PTPRN2: variants seen among roughly 807,000 people sequenced by gnomAD.
PTPRN2 encodes receptor-type tyrosine-protein phosphatase N2.
A neutral mutation model predicts 118.8 loss-of-function variants in PTPRN2; 74 were observed. The ratio of observed to expected loss-of-function variants is 0.62; its 90% CI spans 0.52 to 0.76. The LOEUF (loss-of-function observed/expected upper bound fraction) is 0.76, where lower values mean the gene tolerates loss of function less well. Among genes scored for constraint, PTPRN2 ranks in the 30% least tolerant of loss-of-function variants. PTPRN2 has a pLI of 0.00. For missense variants in PTPRN2, 1,481 were observed against 1,394.4 expected, an observed-to-expected ratio of 1.06 and a Z score of -0.99; for synonymous variants, 641 against 608.0, an observed-to-expected ratio of 1.05 and a Z score of -0.80.
At position 157,583,085 on chromosome 7, in the gene PTPRN2, A is replaced by G. The variant is rs1800483426; in HGVS notation, c.2497-4945T>C. Among the ~76,000 whole-genome samples, 3 of 152,148 alleles carry G rather than the reference A, an allele frequency of 2.0e-5. No individual in the cohort carries two copies. The highest frequency in any genetic ancestry group is 2.0e-4 in the Admixed American group (3 of 15,290). On this transcript the variant is annotated intron_variant, in intron 17 of 22. Coordinates refer to ENST00000389418, the MANE Select transcript of PTPRN2 (RefSeq NM_002847.5). This position sits in a 1 kb window ranked among gnomAD's most constrained non-coding sequence, Gnocchi z 5.5. ...TTTGGAACAACCCACATGTCTGTCA[A>G]TGGATAATGGCTAAAGAAAATGTGG...
In PTPRN2 at chr7:157,986,483, G is replaced by A. The variant is rs1286131936; in HGVS notation, c.1724-87746C>T. The stretch of plus-strand genomic sequence containing the variant: ...CTGGAGGTCAGAACTGGCTGCATCC[G>A]TCTCCATCTCCCCAAGCACAGGCCA... On this transcript the variant is annotated intron_variant, in intron 11 of 22. Transcript: ENST00000389418. This position sits in a 1 kb window ranked among gnomAD's most constrained non-coding sequence, Gnocchi z 4.5. Among the ~76,000 whole-genome samples the A allele has an allele frequency of 3.3e-5, 5 of 152,064 alleles. No homozygotes were observed. The South Asian group carries it at 1.0e-3, about 32-fold the overall frequency.
chr7:158,273,299 C>T (rs1798637822), intron 3 of PTPRN2, among the ~76,000 whole-genome samples: 1 of 152,086 alleles, frequency 6.6e-6, no homozygotes, highest in Non-Finnish European at 1.5e-5. Flanking sequence ...CACCGCAAGC[C>T]CACACTGTGA....
At chr7:158,343,498 C>T (rs921786301) in intron 2 of PTPRN2, among the ~76,000 whole-genome samples, 4 of 152,306 alleles carry the variant, frequency 2.6e-5, no homozygotes, top group Non-Finnish European at 4.4e-5. Context: ...GGAAAGCACA[C>T]GGGAAAAGTT....
intron 12 of PTPRN2, among the ~76,000 whole-genome samples, chr7:157,757,461 C>T (rs1189220003): frequency 6.6e-6 from 1 of 152,134 alleles, no homozygotes; most frequent in East Asian, 1.9e-4. Flanking sequence ...ACAAGGAGGA[C>T]CCCGGCAGGC....
intron 3 of PTPRN2, among the ~76,000 whole-genome samples, chr7:158,292,510 G>C (rs1266672439): frequency 6.6e-6 from 1 of 152,230 alleles, no homozygotes; most frequent in Non-Finnish European, 1.5e-5. Flanking sequence ...GAGTAGTACA[G>C]TTGCATTGCT....
chr7:158,349,888 G>A (rs1183882346), intron 2 of PTPRN2, among the ~76,000 whole-genome samples: 1 of 151,986 alleles, frequency 6.6e-6, no homozygotes, highest in African/African-American at 2.4e-5. Flanking sequence ...TGCTCCCTGG[G>A]TGGTCCCTGA....
Position 157,774,803 on chromosome 7 carries a change from G to A in PTPRN2, c.1789-91866C>T, listed in dbSNP as rs546741212. Among the ~76,000 whole-genome samples, 4 of 152,320 alleles carry A rather than the reference G, an allele frequency of 2.6e-5. No individual in the cohort carries two copies. The South Asian group carries it at 6.2e-4, about 24-fold the overall frequency. ...GCCCAAGATGAGGGGACCAGTCCGA[G>A]TGGGGAGGCTTCCAAAGATGAGAGG... On this transcript the variant is annotated intron_variant, in intron 12 of 22. Coordinates refer to ENST00000389418, the MANE Select transcript of PTPRN2 (RefSeq NM_002847.5).
chr7:157,976,591 C>T (rs1003532225), intron 11 of PTPRN2, among the ~76,000 whole-genome samples: 7 of 151,682 alleles, frequency 4.6e-5, no homozygotes, highest in African/African-American at 7.3e-5. Flanking sequence ...TGTGCCTGTG[C>T]GGCTGCCCTA....
Position 158,430,331 on chromosome 7 carries a change from C to A in PTPRN2, c.163+59404G>T, listed in dbSNP as rs557622281. On this transcript the variant is annotated intron_variant, in intron 2 of 22. Transcript: ENST00000389418. ...CATGGGATGAGGTGAGGGAGAGCAGCCTGCTGGCGCTCACAGGCTGAGGGG... is the reference window on the plus strand; with the variant it reads ...CATGGGATGAGGTGAGGGAGAGCAGACTGCTGGCGCTCACAGGCTGAGGGG... Among the ~76,000 whole-genome samples the A allele has an allele frequency of 2.6e-5, 4 of 152,352 alleles. No homozygotes were observed. The South Asian group carries it at 6.2e-4, about 24-fold the overall frequency.
intron 14 of PTPRN2, among the ~76,000 whole-genome samples, chr7:157,643,488 G>A (rs1804831908): frequency 1.3e-5 from 2 of 152,230 alleles, no homozygotes; most frequent in African/African-American, 4.8e-5. Flanking sequence ...GCGCTGCAAG[G>A]GGCACTGTGG....
chr7:158,108,980 C>A (rs1341276198), intron 10 of PTPRN2, among the ~76,000 whole-genome samples: 2 of 151,508 alleles, frequency 1.3e-5, no homozygotes, highest in African/African-American at 2.4e-5. Context: ...ATGACATCAG[C>A]CCTGTGTGAA....
intron 12 of PTPRN2, among the ~76,000 whole-genome samples, chr7:157,718,338 T>C (rs1371523568): frequency 6.6e-6 from 1 of 152,216 alleles, no homozygotes; most frequent in African/African-American, 2.4e-5. Context: ...AACAAGGCAC[T>C]CATGAATGAG....
chr7:157,798,476 T>G (rs1805013148), intron 12 of PTPRN2, among the ~76,000 whole-genome samples: 2 of 151,898 alleles, frequency 1.3e-5, no homozygotes, highest in Non-Finnish European at 2.9e-5. Flanking sequence ...TGTACAGTCG[T>G]TAGCAGTGGC....
intron 2 of PTPRN2, among the ~76,000 whole-genome samples, chr7:158,331,769 C>T (rs1339537510): frequency 6.6e-6 from 1 of 151,074 alleles, no homozygotes; most frequent in Non-Finnish European, 1.5e-5. Flanking sequence ...ACACTCTCAC[C>T]ATAAGAGCTG....
At chr7:158,176,017 G>A (rs897462735) in intron 5 of PTPRN2, among the ~76,000 whole-genome samples, 37 of 151,468 alleles carry the variant, frequency 2.4e-4, no homozygotes, top group Admixed American at 2.0e-4. Context: ...CTCTCAGCCC[G>A]CCCTGCTCCG....
intron 6 of PTPRN2, among the ~76,000 whole-genome samples, chr7:158,144,764 A>T (rs927471418): frequency 2.0e-5 from 3 of 152,222 alleles, no homozygotes; most frequent in Non-Finnish European, 4.4e-5. Flanking sequence ...CTGTGTTTCT[A>T]ACAGCAAACA....
At chr7:158,037,172 A>G (rs34687759) in intron 11 of PTPRN2, among the ~76,000 whole-genome samples, 76,865 of 152,106 alleles carry the variant, frequency 0.51, 20,077 homozygotes, top group Non-Finnish European at 0.56. Flanking sequence ...AAATTTTAAT[A>G]AAATATTTTA....
rs1801201366 is a variant in PTPRN2 at position 157,594,848 on chromosome 7, A to G, written c.2496+390T>C. Among the ~76,000 whole-genome samples, 3 of 152,172 alleles carry G rather than the reference A, an allele frequency of 2.0e-5. No homozygotes were observed. In the South Asian group the frequency reaches 6.2e-4, roughly 32 times the overall value. On this transcript the variant is annotated intron_variant, in intron 17 of 22. Transcript: ENST00000389418. ...ACGGCCTGGCCTTCAGATGCCCTAC[A>G]GGACTCCAGGAGAGGATGACAGAGG...
chr7:157,707,158 A>G (rs1798373695), intron 12 of PTPRN2, among the ~76,000 whole-genome samples: 1 of 151,146 alleles, frequency 6.6e-6, no homozygotes, highest in Non-Finnish European at 1.5e-5. Context: ...TTTTATACAC[A>G]GCACACATAC....
Sources: gnomAD v4.1 joint callset for allele counts (sites outside exome capture counted in the v4.1 genomes callset) on GRCh38, gnomAD v4.1.1 for gene constraint, Gnocchi (gnomAD v3.1) non-coding constraint, MANE v1.5 for transcripts, NCBI Gene and HGNC (gene_info 2026-07-23, HGNC 2026-07-21) for gene names.